B3GALT1: variants seen among roughly 807,000 people sequenced by gnomAD.
B3GALT1 encodes beta-1,3-galactosyltransferase 1.
A neutral mutation model predicts 23.2 loss-of-function variants in B3GALT1; 10 were observed. That is an observed-to-expected ratio of 0.43 (90% CI 0.27 to 0.73). The LOEUF (loss-of-function observed/expected upper bound fraction) is 0.73, where lower values mean the gene tolerates loss of function less well. Among genes scored for constraint, B3GALT1 ranks in the 30% least tolerant of loss-of-function variants. B3GALT1 has a pLI of 0.21. For synonymous variants in B3GALT1, 156 were observed against 141.5 expected (o/e 1.10, Z -0.73); for missense variants, 299 against 405.4 (o/e 0.74, Z 2.25).
intron 4 of B3GALT1, among the ~76,000 whole-genome samples, chr2:167,842,703 G>A (rs1020541066): frequency 3.3e-5 from 5 of 151,930 alleles, no homozygotes; most frequent in Admixed American, 6.6e-5. Flanking sequence ...ACGAAACTCC[G>A]TCTCTACAAA....
At chr2:167,859,390 C>T (rs1008504070) in intron 4 of B3GALT1, among the ~76,000 whole-genome samples, 7 of 152,084 alleles carry the variant, frequency 4.6e-5, no homozygotes, top group African/African-American at 1.2e-4. Context: ...TAGGGCAACA[C>T]ATTGATTTGA....
chr2:167,438,155 A>C (rs992583089), intron 1 of B3GALT1, among the ~76,000 whole-genome samples: 1 of 152,226 alleles, frequency 6.6e-6, no homozygotes, highest in African/African-American at 2.4e-5. Context: ...TTAATTAAAG[A>C]GATAATTTCT....
chr2:167,765,937 A>G (rs907696069), intron 3 of B3GALT1, among the ~76,000 whole-genome samples: 1 of 152,230 alleles, frequency 6.6e-6, no homozygotes, highest in Non-Finnish European at 1.5e-5. Flanking sequence ...TTAATACACT[A>G]TTTGAGAGAT....
rs180981641 is a variant in B3GALT1 at position 167,603,588 on chromosome 2, A to G, written c.-409-43321A>G. ...CTTCCTTTGCACTTGTGATCCTTAC[A>G]TGCTGGTTATCTAAATATTCCTACC... is the stretch of plus-strand genomic sequence containing the variant. On this transcript the variant is annotated intron_variant, in intron 2 of 4. Coordinates refer to ENST00000392690, the MANE Select transcript of B3GALT1 (RefSeq NM_020981.4). Among the ~76,000 whole-genome samples the G allele has an allele frequency of 4.7e-4, 71 of 152,362 alleles. 3 individuals carry two copies. The East Asian group carries it at 0.013, about 27-fold the overall frequency.
rs1558887879 is a variant in B3GALT1, at chr2:167,512,612, ATATATATACG to A, written c.-410+22337_-410+22346del. Among the ~76,000 whole-genome samples, 6 of 94,914 alleles carry A rather than the reference ATATATATACG, an allele frequency of 6.3e-5. 1 individual carries two copies. Among genetic ancestry groups the A allele is most frequent in the African/African-American group, 3.7e-4 (6 of 16,392 alleles). 62.3% of individuals were successfully genotyped at this position (94,914 alleles called of 152,430 possible). A position where few individuals can be genotyped will look rare whatever the true frequency, so the allele number is the denominator to read the frequency against. ...TATATGTGTATATATATATATGTAT[ATATATATACG>A]TGTATATATATATACATATATATAT... On this transcript the variant is annotated intron_variant, in intron 2 of 4. Transcript: ENST00000392690.
chr2:167,781,418 CTCCTGTTTCTATTTAAAG>C (rs1478307879), intron 3 of B3GALT1, among the ~76,000 whole-genome samples: 32 of 152,230 alleles, frequency 2.1e-4, no homozygotes, highest in Non-Finnish European at 8.8e-5. Context: ...AGGGGTTCAT[CTCCTGTTTCTATTTAAAG>C]TTAAAGGCTG....
At chr2:167,612,372 T>TATTATTATTATC (rs1685082338) in intron 2 of B3GALT1, among the ~76,000 whole-genome samples, 1 of 148,778 alleles carries the variant, frequency 6.7e-6, no homozygotes, top group South Asian at 2.1e-4. Context: ...AGGCCTTTAT[T>TATTATTATTATC]ATTATTATTA....
intron 3 of B3GALT1, among the ~76,000 whole-genome samples, chr2:167,653,600 C>T (rs1166687745): frequency 1.3e-5 from 2 of 152,156 alleles, no homozygotes; most frequent in African/African-American, 2.4e-5. Flanking sequence ...GCTCAACTTG[C>T]TTCCCTGTGC....
At chr2:167,867,275 C>CTGTT (rs1468054929) in intron 4 of B3GALT1, among the ~76,000 whole-genome samples, 5 of 152,108 alleles carry the variant, frequency 3.3e-5, no homozygotes, top group African/African-American at 1.2e-4. Flanking sequence ...CTTTTGCTTA[C>CTGTT]TGTTTAAAGT....
chr2:167,817,659 AAC>A (rs1211730382), intron 3 of B3GALT1, among the ~76,000 whole-genome samples: 1 of 152,208 alleles, frequency 6.6e-6, no homozygotes, highest in Non-Finnish European at 1.5e-5. Flanking sequence ...ACACTGCTGA[AAC>A]ACCATCCCAA....
At chr2:167,837,851 C>G (rs1689520768) in intron 4 of B3GALT1, among the ~76,000 whole-genome samples, 1 of 151,890 alleles carries the variant, frequency 6.6e-6, no homozygotes, top group East Asian at 1.9e-4. Flanking sequence ...TGCAATCAAA[C>G]TAGAACTCAG....
At chr2:167,560,247 A>G (rs900860123) in intron 2 of B3GALT1, among the ~76,000 whole-genome samples, 1 of 152,174 alleles carries the variant, frequency 6.6e-6, no homozygotes, top group African/African-American at 2.4e-5. Flanking sequence ...TTACAGACAA[A>G]CAAATGCTGA....
At chr2:167,541,809 T>A (rs1311188717) in intron 2 of B3GALT1, among the ~76,000 whole-genome samples, 2 of 152,094 alleles carry the variant, frequency 1.3e-5, no homozygotes, top group Non-Finnish European at 2.9e-5. Context: ...TTAACCTGTT[T>A]TGCATTTACA....
intron 2 of B3GALT1, among the ~76,000 whole-genome samples, chr2:167,609,107 C>T (rs1194801798): frequency 6.6e-6 from 1 of 152,114 alleles, no homozygotes; most frequent in Non-Finnish European, 1.5e-5. Flanking sequence ...TTTATAACCT[C>T]TTGGCTACTT....
chr2:167,741,616 C>T (rs1193349206), intron 3 of B3GALT1, among the ~76,000 whole-genome samples: 4 of 152,152 alleles, frequency 2.6e-5, no homozygotes, highest in African/African-American at 7.2e-5. Context: ...TAAAAATACT[C>T]CTCCCTGCCA....
Position 167,584,063 on chromosome 2 carries a change from A to T in B3GALT1, c.-409-62846A>T, listed in dbSNP as rs558079385. On this transcript the variant is annotated intron_variant, in intron 2 of 4. Coordinates refer to ENST00000392690, the MANE Select transcript of B3GALT1 (RefSeq NM_020981.4). ...GGGGTGGCAGGCTGGGGGAGCAGGG[A>T]ACTAAGATCCCATAGAGAAGAGAAA... Among the ~76,000 whole-genome samples the T allele has an allele frequency of 2.0e-5, 3 of 152,228 alleles. No homozygotes were observed. In the South Asian group the frequency reaches 6.2e-4, roughly 32 times the overall value.
chr2:167,377,237 T>C (rs1281052133), intron 1 of B3GALT1, among the ~76,000 whole-genome samples: 1 of 152,076 alleles, frequency 6.6e-6, no homozygotes, highest in African/African-American at 2.4e-5. Context: ...TTTATTGAAA[T>C]TTGCTTTAAT....
intron 3 of B3GALT1, among the ~76,000 whole-genome samples, chr2:167,679,264 A>G (rs1411576121): frequency 5.3e-5 from 8 of 152,124 alleles, no homozygotes; most frequent in Non-Finnish European, 1.0e-4. Context: ...GATTACAGGC[A>G]TGTGCCACCA....
intron 3 of B3GALT1, among the ~76,000 whole-genome samples, chr2:167,674,723 C>G (rs889408791): frequency 1.3e-5 from 2 of 151,966 alleles, no homozygotes; most frequent in African/African-American, 4.8e-5. Flanking sequence ...CATGAAGGAC[C>G]AGGGAAGAAA....
Sources: allele counts gnomAD v4.1 joint callset (sites outside exome capture counted in the v4.1 genomes callset), GRCh38; gene constraint gnomAD v4.1.1; transcripts MANE v1.5; gene names NCBI Gene and HGNC (gene_info 2026-07-23, HGNC 2026-07-21).